Variants in SDK2 observed in about 807,000 individuals in gnomAD.
SDK2 encodes protein sidekick-2.
In SDK2, 105 loss-of-function variants were observed where a neutral mutation model predicts 253.9. The ratio of observed to expected loss-of-function variants is 0.41; its 90% CI spans 0.35 to 0.49. The LOEUF (loss-of-function observed/expected upper bound fraction) is 0.49. SDK2 is among the 20% of genes least tolerant of loss of function. SDK2 has a pLI of 0.06. For synonymous variants in SDK2, 1,249 were observed against 1,234.9 expected (o/e 1.01, Z -0.24); for missense variants, 2,608 against 3,003.0 (o/e 0.87, Z 3.07).
intron 1 of SDK2, among the ~76,000 whole-genome samples, chr17:73,587,199 C>T (rs909302029): frequency 1.3e-5 from 2 of 152,210 alleles, no homozygotes; most frequent in African/African-American, 4.8e-5. Flanking sequence ...GCTCTAGAGC[C>T]TGAGGTCCCC....
At chr17:73,619,887 C>T (rs2099152678) in intron 1 of SDK2, among the ~76,000 whole-genome samples, 1 of 152,098 alleles carries the variant, frequency 6.6e-6, no homozygotes, top group Non-Finnish European at 1.5e-5. Flanking sequence ...ACAACAACAA[C>T]AACAACAAAA....
chr17:73,455,793 A>G lies in SDK2; in HGVS notation c.479+113T>C. On this transcript the variant is annotated intron_variant, in intron 4 of 44. Transcript: ENST00000392650. The surrounding 1 kb of genome is among the most constrained non-coding windows in gnomAD (Gnocchi z 5.0). ...CTGGCTGTGTCCCACAGGAGCTGAAAGGGGCTTCTGCACAAAGGCCCTCCT... is the reference window on the plus strand; with the variant it reads ...CTGGCTGTGTCCCACAGGAGCTGAAGGGGGCTTCTGCACAAAGGCCCTCCT... 2 of 1,213,666 alleles carry G rather than the reference A, an allele frequency of 1.6e-6. No individual in the cohort carries two copies. Among genetic ancestry groups the G allele is most frequent in the Non-Finnish European group, 1.1e-6 (1 of 905,516 alleles). 75.2% of individuals were successfully genotyped at this position (1,213,666 alleles called of 1,614,324 possible).
chr17:73,370,755 T>C (rs2062727739), intron 36 of SDK2, among the ~76,000 whole-genome samples: 1 of 151,934 alleles, frequency 6.6e-6, no homozygotes, highest in Admixed American at 6.6e-5. Context: ...TCTTTTGTAG[T>C]GATTTCTTTT....
intron 1 of SDK2, among the ~76,000 whole-genome samples, chr17:73,553,131 C>T (rs1253438173): frequency 2.0e-5 from 3 of 152,160 alleles, no homozygotes; most frequent in Admixed American, 6.5e-5. Flanking sequence ...AGCTCTTGGC[C>T]CCACTCTGGG....
intron 16 of SDK2, among the ~76,000 whole-genome samples, chr17:73,418,783 A>G (rs953290296): frequency 5.3e-5 from 8 of 152,248 alleles, no homozygotes; most frequent in Admixed American, 2.0e-4. Context: ...TTTTCCATCA[A>G]TTCTTCGGCC....
At chr17:73,434,205 A>C (rs2063350003) in intron 9 of SDK2, among the ~76,000 whole-genome samples, 1 of 152,220 alleles carries the variant, frequency 6.6e-6, no homozygotes, top group Non-Finnish European at 1.5e-5. Context: ...AAGTGAAAGG[A>C]AGGCTCTGGC....
chr17:73,442,702 T>TTGGCACCCA (rs1247024523), intron 5 of SDK2, among the ~76,000 whole-genome samples: 4 of 151,918 alleles, frequency 2.6e-5, no homozygotes, highest in Non-Finnish European at 5.9e-5. Context: ...TGGCACACAG[T>TTGGCACCCA]AAGTGCTCAA....
In SDK2 at chr17:73,422,423, T is replaced by C. The variant is rs1170877760; in HGVS notation, c.1909A>G (p.Thr637Ala). Residue 637 changes from threonine to alanine, a missense_variant, in exon 15 of 45, where the codon ACT becomes GCT. Thr to Ala is a moderately conservative substitution (Grantham distance 58). Around this residue, in one of 2 missense-constraint regions of SDK2, gnomAD observed 1,505 missense variants for 1,859.1 expected, o/e 0.81. Coordinates refer to ENST00000392650, the MANE Select transcript of SDK2 (RefSeq NM_001144952.2). ...GGGTCCACACTGGCCAGGAGTACAGTCCAGGGGGCATCTGCAGGGACAGTG... is the reference window on the plus strand; with the variant it reads ...GGGTCCACACTGGCCAGGAGTACAGCCCAGGGGGCATCTGCAGGGACAGTG... ...LEMSENNAPW[T>A]VLLASVDPKA... The C allele has an allele frequency of 4.3e-6, 7 of 1,613,694 alleles. No homozygotes were observed. The South Asian group carries it at 7.7e-5, about 18-fold the overall frequency.
At chr17:73,342,439 C>G (rs1486056366) in intron 44 of SDK2, among the ~76,000 whole-genome samples, 1 of 152,186 alleles carries the variant, frequency 6.6e-6, no homozygotes, top group Non-Finnish European at 1.5e-5. Context: ...GATGCTGGGC[C>G]GAGTGAGGCT....
At position 73,612,078 on chromosome 17, in the gene SDK2, C is replaced by T. The variant is rs2045981568; in HGVS notation, c.64+31947G>A. On this transcript the variant is annotated intron_variant, in intron 1 of 44. Transcript: ENST00000392650. The surrounding 1 kb of genome is among the most constrained non-coding windows in gnomAD (Gnocchi z 4.4). ...TACAGTTGTGAATTAAACATGTGGC[C>T]TAATGAGTTGATTTTATTAGTTTGC... Among the ~76,000 whole-genome samples the T allele has an allele frequency of 1.3e-5, 2 of 152,192 alleles. No homozygotes were observed. Among genetic ancestry groups the T allele is most frequent in the African/African-American group, 2.4e-5 (1 of 41,438 alleles).
chr17:73,597,526 G>C (rs749601813), intron 1 of SDK2, among the ~76,000 whole-genome samples: 1 of 152,108 alleles, frequency 6.6e-6, no homozygotes, highest in African/African-American at 2.4e-5. Flanking sequence ...GGACATTACC[G>C]TCCTGTCTCT....
chr17:73,444,150 C>T (rs1003188190), intron 5 of SDK2, among the ~76,000 whole-genome samples: 1 of 152,156 alleles, frequency 6.6e-6, no homozygotes, highest in African/African-American at 2.4e-5. Flanking sequence ...AAGAGCTCTC[C>T]CTGCTAGCCC....
At chr17:73,554,535 C>A (rs1191436933) in intron 1 of SDK2, among the ~76,000 whole-genome samples, 1 of 151,694 alleles carries the variant, frequency 6.6e-6, no homozygotes. Flanking sequence ...AAGGACAGAG[C>A]CTTCCCTCAT....
At chr17:73,406,900 C>T (rs996870165) in intron 18 of SDK2, among the ~76,000 whole-genome samples, 23 of 152,102 alleles carry the variant, frequency 1.5e-4, no homozygotes, top group African/African-American at 3.9e-4. Context: ...TTGGAAACTA[C>T]GTTCAGTAAT....
chr17:73,336,496 T>A lies in SDK2; in HGVS notation c.*2091A>T, dbSNP rs942422556. The A allele has an allele frequency of 1.3e-5, 2 of 152,670 alleles. No homozygotes were observed. Among genetic ancestry groups the A allele is most frequent in the East Asian group, 3.9e-4 (2 of 5,182 alleles). The allele number at this position is 152,670 out of a possible 1,614,324, so 9.5% of individuals were successfully genotyped here. A position where few individuals can be genotyped will look rare whatever the true frequency, so the allele number is the denominator to read the frequency against. ...TGGACACTGGAGCTGGGCTGGCCTGTCTGCTGAGCCATCTTCCAGCATCTC... is the reference window on the plus strand; with the variant it reads ...TGGACACTGGAGCTGGGCTGGCCTGACTGCTGAGCCATCTTCCAGCATCTC... On this transcript the variant is annotated 3_prime_UTR_variant, in exon 45 of 45. Coordinates refer to ENST00000392650, the MANE Select transcript of SDK2 (RefSeq NM_001144952.2).
chr17:73,382,495 G>A (rs1308030017), intron 33 of SDK2, among the ~76,000 whole-genome samples: 2 of 152,126 alleles, frequency 1.3e-5, no homozygotes, highest in African/African-American at 2.4e-5. Context: ...ATGAACATCA[G>A]TTTTGAGCCA....
At chr17:73,566,153 C>T (rs557423726) in intron 1 of SDK2, among the ~76,000 whole-genome samples, 1 of 152,250 alleles carries the variant, frequency 6.6e-6, no homozygotes, top group South Asian at 2.1e-4. Context: ...CCTGGCACCT[C>T]CTGCCTTCTA....
In SDK2 at chr17:73,552,852, C is replaced by T. The variant is rs185879648; in HGVS notation, c.65-45255G>A. On this transcript the variant is annotated intron_variant, in intron 1 of 44. Transcript: ENST00000392650. ...CTTCGTTTACACTGCACTCTAAGCC[C>T]TCTCCTTGGCAAGTTCTCAACTCGA... is the stretch of plus-strand genomic sequence containing the variant. Among the ~76,000 whole-genome samples, 6 of 152,358 alleles carry T rather than the reference C, an allele frequency of 3.9e-5. No homozygotes were observed. In the East Asian group the frequency reaches 7.7e-4, roughly 20 times the overall value.
intron 5 of SDK2, among the ~76,000 whole-genome samples, chr17:73,442,206 T>C (rs895236516): frequency 6.6e-5 from 10 of 152,268 alleles, no homozygotes; most frequent in Non-Finnish European, 1.0e-4. Context: ...GGCAGACATC[T>C]GCAAGCTGAG....
Sources: allele counts gnomAD v4.1 joint callset (sites outside exome capture counted in the v4.1 genomes callset), GRCh38; gene constraint gnomAD v4.1.1; regional missense constraint gnomAD v4.1.1; non-coding constraint Gnocchi (gnomAD v3.1); transcripts MANE v1.5; gene names NCBI Gene and HGNC (gene_info 2026-07-23, HGNC 2026-07-21).